PLEKHM2: variants seen among roughly 807,000 people sequenced by gnomAD.
PLEKHM2 encodes the protein pleckstrin homology domain-containing family M member 2.
Under a neutral mutation model 116.3 loss-of-function variants are expected in PLEKHM2, and 77 were observed. The ratio of observed to expected loss-of-function variants is 0.66; its 90% confidence interval spans 0.55 to 0.80. PLEKHM2 has a LOEUF of 0.80. Among genes scored for constraint, PLEKHM2 ranks in the 30% least tolerant of loss-of-function variants. The probability of loss-of-function intolerance (pLI) is 0.00; values close to 1 mark genes in which losing one functional copy is unlikely to be tolerated. For missense variants in PLEKHM2, 1,183 were observed against 1,354.9 expected, an observed-to-expected ratio of 0.87 and a Z score of 1.99; for synonymous variants, 562 against 571.0, an observed-to-expected ratio of 0.98 and a Z score of 0.22.
Position 15,725,444 on chromosome 1 carries a change from GTCC to G in PLEKHM2, c.846_848del (p.Ser283del), listed in dbSNP as rs2148368927. ...TCAACGAGGAGCCGGCAGAGACTGT[GTCC>G]TCCTCTGACACCACCCCCGTGCACA... On this transcript the variant is annotated inframe_deletion, in exon 8 of 20. Transcript: ENST00000375799. The G allele has an allele frequency of 1.3e-6, 2 of 1,568,540 alleles. No homozygotes were observed. Among genetic ancestry groups the G allele is most frequent in the Admixed American group, 1.9e-5 (1 of 53,566 alleles).
intron 1 of PLEKHM2, among the ~76,000 whole-genome samples, chr1:15,690,851 G>A (rs929856531): frequency 3.3e-5 from 5 of 152,174 alleles, no homozygotes; most frequent in Non-Finnish European, 5.9e-5. Flanking sequence ...CTGCCCTCAT[G>A]GAGCTGACAT....
At chr1:15,718,245 G>A (rs1220491432) in intron 4 of PLEKHM2, among the ~76,000 whole-genome samples, 1 of 152,230 alleles carries the variant, frequency 6.6e-6, no homozygotes, top group Non-Finnish European at 1.5e-5. Context: ...CCATGCTTTG[G>A]CTCAGCCTTT....
At chr1:15,706,899 C>T (rs1230697401) in intron 1 of PLEKHM2, among the ~76,000 whole-genome samples, 1 of 152,182 alleles carries the variant, frequency 6.6e-6, no homozygotes, top group Non-Finnish European at 1.5e-5. Flanking sequence ...TGACCCTTCA[C>T]GGCTTGAGCC....
chr1:15,732,162 CA>C, intron 17 of PLEKHM2, 114 bp downstream of exon 17: 1 of 1,075,224 alleles, frequency 9.3e-7, no homozygotes, highest in Non-Finnish European at 1.3e-6. Flanking sequence ...GACGGACCTC[CA>C]GGGGGCAGCC....
At chr1:15,710,510 A>G (rs1400187907) in intron 1 of PLEKHM2, among the ~76,000 whole-genome samples, 2 of 151,650 alleles carry the variant, frequency 1.3e-5, no homozygotes, top group African/African-American at 4.8e-5. Context: ...TTTTTTTAGT[A>G]CAGACAGAGT....
rs375486237 is a variant in PLEKHM2 at position 15,732,889 on chromosome 1, T to C, written c.2922+161T>C. Among the ~76,000 whole-genome samples, 9 of 152,124 alleles carry C rather than the reference T, an allele frequency of 5.9e-5. No individual in the cohort carries two copies. The South Asian group carries it at 1.9e-3, about 32-fold the overall frequency. ...CTCCTGCCTCAGCCCCGGGGGTGAGTGCCTGCTGCTCTTAAAACAAACCCA... is the reference window on the plus strand; with the variant it reads ...CTCCTGCCTCAGCCCCGGGGGTGAGCGCCTGCTGCTCTTAAAACAAACCCA... On this transcript the variant is annotated intron_variant, in intron 19 of 19. Transcript: ENST00000375799.
Position 15,732,680 on chromosome 1 carries a change from G to A in PLEKHM2, c.2874G>A (p.Leu958=). Residue 958 remains leucine (L), a synonymous_variant, in exon 19 of 20, where the codon CTG becomes CTA. Coordinates refer to ENST00000375799, the MANE Select transcript of PLEKHM2 (RefSeq NM_015164.4). Reference sequence around the variant, plus strand: ...TCTACCTGAGCTGCACTTCTGAACTGGACCGATTGCTGTCTGCACTGAACT... The same window carrying A: ...TCTACCTGAGCTGCACTTCTGAACTAGACCGATTGCTGTCTGCACTGAACT... ...WVIYLSCTSE[L]DRLLSALNSG... 6.2e-7 allele frequency: 1 copy of A among 1,610,826 alleles called. No individual in the cohort carries two copies. The highest frequency in any genetic ancestry group is 8.5e-7 in the Non-Finnish European group (1 of 1,178,650).
chr1:15,713,743 C>G (rs544169192), intron 1 of PLEKHM2, among the ~76,000 whole-genome samples: 1 of 151,692 alleles, frequency 6.6e-6, no homozygotes, highest in South Asian at 2.1e-4. Flanking sequence ...TCCTGCCATT[C>G]TCCTGCCTCA....
intron 1 of PLEKHM2, among the ~76,000 whole-genome samples, chr1:15,714,904 G>C (rs1216518937): frequency 1.3e-5 from 2 of 152,212 alleles, no homozygotes; most frequent in Non-Finnish European, 2.9e-5. Flanking sequence ...CCCTCTCTCT[G>C]TAACTGCGGT....
Position 15,721,260 on chromosome 1 carries a change from T to G in PLEKHM2, c.653-69T>G. The G allele has an allele frequency of 1.6e-5, 9 of 548,718 alleles. No individual in the cohort carries two copies. Among genetic ancestry groups the G allele is most frequent in the East Asian group, 4.9e-5 (1 of 20,446 alleles). The allele number at this position is 548,718 out of a possible 1,614,324, so 34.0% of individuals were successfully genotyped here. A position where few individuals can be genotyped will look rare whatever the true frequency, so the allele number is the denominator to read the frequency against. On this transcript the variant is annotated intron_variant, in intron 6 of 19. Transcript: ENST00000375799. The surrounding 1 kb of genome is among the most constrained non-coding windows in gnomAD (Gnocchi z 5.1). ...CCCATGTCTCCCACCCCATTTCCCC[T>G]CCCCTCCCTCCAGTCATCCTTCCAC...
At chr1:15,691,566 C>T (rs950867982) in intron 1 of PLEKHM2, among the ~76,000 whole-genome samples, 1 of 152,184 alleles carries the variant, frequency 6.6e-6, no homozygotes, top group Non-Finnish European at 1.5e-5. Flanking sequence ...TCGGTTTGGG[C>T]AGACAGTGCC....
At chr1:15,704,268 G>A (rs1470587005) in intron 1 of PLEKHM2, among the ~76,000 whole-genome samples, 1 of 151,842 alleles carries the variant, frequency 6.6e-6, no homozygotes, top group African/African-American at 2.4e-5. Flanking sequence ...GGGATTTTCT[G>A]TATTTACTGT....
intron 2 of PLEKHM2, 47 bp downstream of exon 2, chr1:15,716,390 A>G (rs370860116): frequency 3.4e-6 from 4 of 1,161,738 alleles, no homozygotes; most frequent in African/African-American, 3.1e-5. Context: ...AACCCAGGCC[A>G]TGAGTAGCCT....
At chr1:15,703,633 C>T (rs970201853) in intron 1 of PLEKHM2, among the ~76,000 whole-genome samples, 19 of 152,180 alleles carry the variant, frequency 1.2e-4, no homozygotes, top group African/African-American at 4.3e-4. Context: ...AACCATAGTA[C>T]TAGAAATTGT....
At chr1:15,730,984 G>A (rs181889661) in intron 15 of PLEKHM2, among the ~76,000 whole-genome samples, 68 of 152,318 alleles carry the variant, frequency 4.5e-4, no homozygotes, top group African/African-American at 1.6e-3. Context: ...ACCTTGAGCT[G>A]CGCCCCAGGT....
intron 1 of PLEKHM2, among the ~76,000 whole-genome samples, chr1:15,708,235 T>C (rs932267607): frequency 6.6e-5 from 10 of 150,928 alleles, no homozygotes; most frequent in Admixed American, 4.6e-4. Context: ...TTTTCTTTTT[T>C]TTTATGGAGT....
upstream of PLEKHM2, among the ~76,000 whole-genome samples, chr1:15,683,519 G>A (rs1640688911): frequency 6.7e-6 from 1 of 150,052 alleles, no homozygotes; most frequent in Non-Finnish European, 1.5e-5. Flanking sequence ...GTCTGTGGGG[G>A]TCTCTGGCCT....
intron 8 of PLEKHM2, among the ~76,000 whole-genome samples, chr1:15,726,332 C>A (rs536596521): frequency 6.6e-6 from 1 of 152,324 alleles, no homozygotes; most frequent in South Asian, 2.1e-4. Context: ...CCCTGACCTC[C>A]CCGACCCCCT....
chr1:15,693,931 AG>A (rs1278712849), intron 1 of PLEKHM2, among the ~76,000 whole-genome samples: 1 of 152,138 alleles, frequency 6.6e-6, no homozygotes, highest in Non-Finnish European at 1.5e-5. Flanking sequence ...TGCCCATCTC[AG>A]GCATCAGGAT....
Sources: allele counts gnomAD v4.1 joint callset (sites outside exome capture counted in the v4.1 genomes callset), GRCh38; gene constraint gnomAD v4.1.1; non-coding constraint Gnocchi (gnomAD v3.1); transcripts MANE v1.5; gene names NCBI Gene and HGNC (gene_info 2026-07-23, HGNC 2026-07-21).